ATE1: variants seen among roughly 807,000 people sequenced by gnomAD.
The protein encoded by ATE1 is arginyl-tRNA--protein transferase 1.
In ATE1, 36 loss-of-function variants were observed where a neutral mutation model predicts 70.5. The observed-to-expected ratio is 0.51, with a 90% CI of 0.39 to 0.67. ATE1 has a LOEUF of 0.67. Ranked by LOEUF, ATE1 falls within the 30% of genes least tolerant of loss-of-function variation. The probability of loss-of-function intolerance (pLI) is 0.00; values close to 1 mark genes in which losing one functional copy is unlikely to be tolerated. For missense variants in ATE1, 593 were observed against 629.5 expected (o/e 0.94, Z 0.62); for synonymous variants, 232 against 219.3 (o/e 1.06, Z -0.51).
chr10:121,771,268 A>G (rs1945506965), intron 11 of ATE1, among the ~76,000 whole-genome samples: 1 of 152,060 alleles, frequency 6.6e-6, no homozygotes, highest in African/African-American at 2.4e-5. Flanking sequence ...ACGGGGTTTC[A>G]CCATCTTGGC....
chr10:121,828,980 A>G (rs1259410269), intron 10 of ATE1, among the ~76,000 whole-genome samples: 6 of 152,152 alleles, frequency 3.9e-5, no homozygotes, highest in African/African-American at 1.4e-4. Context: ...TTGTCACATT[A>G]CCACTTTATG....
intron 10 of ATE1, among the ~76,000 whole-genome samples, chr10:121,796,265 A>G (rs1946655556): frequency 6.6e-6 from 1 of 152,234 alleles, no homozygotes; most frequent in African/African-American, 2.4e-5. Flanking sequence ...AACATAGTTC[A>G]AGATAAGATG....
chr10:121,892,499 C>CT (rs34400277), intron 7 of ATE1, among the ~76,000 whole-genome samples: 16,314 of 125,500 alleles, frequency 0.13, 1,251 homozygotes, highest in East Asian at 0.17. Context: ...GGTGACAAAA[C>CT]TTTTTTTTTT....
chr10:121,909,070 C>T (rs1194711025), intron 5 of ATE1, among the ~76,000 whole-genome samples: 1 of 152,190 alleles, frequency 6.6e-6, no homozygotes, highest in Non-Finnish European at 1.5e-5. Context: ...CTCACTGCAG[C>T]CTCGACTTCC....
At chr10:121,877,460 T>C (rs779752042) in intron 7 of ATE1, among the ~76,000 whole-genome samples, 10 of 152,106 alleles carry the variant, frequency 6.6e-5, no homozygotes, top group Admixed American at 2.0e-4. Context: ...TTTTCCTAGG[T>C]ATGGAGTATA....
At chr10:121,784,064 T>A (rs2133214081) in intron 11 of ATE1, among the ~76,000 whole-genome samples, 1 of 152,322 alleles carries the variant, frequency 6.6e-6, no homozygotes, top group Middle Eastern at 3.4e-3. Flanking sequence ...GGCACTTGCT[T>A]TGAAATTTTA....
intron 7 of ATE1, among the ~76,000 whole-genome samples, chr10:121,894,408 AT>A (rs1950696363): frequency 6.6e-6 from 1 of 152,220 alleles, no homozygotes; most frequent in Admixed American, 6.5e-5. Context: ...GAGGAAAAAG[AT>A]GTGTCATGCA....
intron 8 of ATE1, among the ~76,000 whole-genome samples, chr10:121,862,074 CAAT>C (rs1949493563): frequency 6.6e-6 from 1 of 152,190 alleles, no homozygotes; most frequent in Admixed American, 6.5e-5. Flanking sequence ...AAGCTTCCCC[CAAT>C]TCACCAGCTC....
chr10:121,849,994 A>G (rs939543829), intron 8 of ATE1, among the ~76,000 whole-genome samples: 6 of 152,218 alleles, frequency 3.9e-5, no homozygotes, highest in Non-Finnish European at 8.8e-5. Context: ...GAATCAATAC[A>G]AAGATTTATC....
intron 8 of ATE1, among the ~76,000 whole-genome samples, chr10:121,852,930 A>G (rs569718401): frequency 6.6e-6 from 1 of 152,260 alleles, no homozygotes; most frequent in Non-Finnish European, 1.5e-5. Context: ...CAGATTCCTA[A>G]TTTTCTGGCT....
intron 7 of ATE1, among the ~76,000 whole-genome samples, chr10:121,873,393 C>CTTT (rs1259593866): frequency 6.6e-6 from 1 of 152,106 alleles, no homozygotes. Flanking sequence ...ACTGACCTTG[C>CTTT]TTTTCTTAAA....
intron 7 of ATE1, among the ~76,000 whole-genome samples, chr10:121,897,486 C>A (rs936355901): frequency 1.3e-5 from 2 of 152,126 alleles, no homozygotes; most frequent in African/African-American, 4.8e-5. Context: ...TAGGACATAG[C>A]CTCTCAAAAC....
intron 11 of ATE1, among the ~76,000 whole-genome samples, chr10:121,747,630 C>T (rs1944422743): frequency 6.6e-6 from 1 of 152,216 alleles, no homozygotes; most frequent in Non-Finnish European, 1.5e-5. Flanking sequence ...TGGCTCTCAG[C>T]AACACCACTG....
intron 7 of ATE1, among the ~76,000 whole-genome samples, chr10:121,870,833 G>A (rs1401013263): frequency 6.6e-6 from 1 of 152,022 alleles, no homozygotes; most frequent in African/African-American, 2.4e-5. Context: ...TATACATGAC[G>A]GTAATTCATA....
At chr10:121,814,389 T>C (rs1472444991) in intron 10 of ATE1, among the ~76,000 whole-genome samples, 1 of 152,148 alleles carries the variant, frequency 6.6e-6, no homozygotes, top group Non-Finnish European at 1.5e-5. Context: ...TCGCACACAA[T>C]GTAAATCATC....
intron 8 of ATE1, among the ~76,000 whole-genome samples, chr10:121,843,350 A>G (rs1350282367): frequency 6.6e-6 from 1 of 152,256 alleles, no homozygotes; most frequent in African/African-American, 2.4e-5. Context: ...TATTGTCATG[A>G]TCTCAGTTTT....
chr10:121,853,575 CG>C (rs1324258944), intron 8 of ATE1, among the ~76,000 whole-genome samples: 1 of 151,492 alleles, frequency 6.6e-6, no homozygotes, highest in African/African-American at 2.4e-5. Flanking sequence ...ATCCAAAATC[CG>C]AAATACTTTG....
chr10:121,767,789 G>A (rs1031983080), intron 11 of ATE1, among the ~76,000 whole-genome samples: 24 of 152,126 alleles, frequency 1.6e-4, no homozygotes, highest in Non-Finnish European at 5.9e-5. Flanking sequence ...CACTACTGGT[G>A]GGAATGTAAA....
At chr10:121,890,226 T>G (rs902450658) in intron 7 of ATE1, among the ~76,000 whole-genome samples, 2 of 152,156 alleles carry the variant, frequency 1.3e-5, no homozygotes, top group Non-Finnish European at 2.9e-5. Context: ...TGTAATAAAC[T>G]TTGATTAAAC....
Sources: gnomAD v4.1 joint callset for allele counts (sites outside exome capture counted in the v4.1 genomes callset) on GRCh38, gnomAD v4.1.1 for gene constraint, MANE v1.5 for transcripts, NCBI Gene and HGNC (gene_info 2026-07-23, HGNC 2026-07-21) for gene names.